CAMK2G: variants seen among roughly 807,000 people sequenced by gnomAD.
CAMK2G encodes calcium/calmodulin dependent protein kinase II gamma.
CAMK2G carries 23 observed loss-of-function variants against 88.7 expected under a neutral mutation model. That is an observed-to-expected ratio of 0.26 (90% confidence interval 0.19 to 0.37). CAMK2G has a LOEUF of 0.37. CAMK2G is among the 10% of genes least tolerant of loss of function. CAMK2G has a pLI of 1.00. For synonymous variants in CAMK2G, 263 were observed against 294.8 expected (o/e 0.89, Z 1.11); for missense variants, 476 against 780.8 (o/e 0.61, Z 4.65).
intron 13 of CAMK2G, among the ~76,000 whole-genome samples, chr10:73,838,799 C>T (rs1414368477): frequency 6.6e-6 from 1 of 152,178 alleles, no homozygotes; most frequent in African/African-American, 2.4e-5. Flanking sequence ...ACTAGGATCA[C>T]CTGGGAGCTT....
chr10:73,847,487 C>T, intron 9 of CAMK2G, 140 bp from the exon 10 acceptor site: 2 of 854,662 alleles, frequency 2.3e-6, no homozygotes, highest in South Asian at 3.5e-5. Context: ...TGGAGAAGCC[C>T]TGCGGCTATT....
chr10:73,863,506 C>T (rs1462437196), intron 2 of CAMK2G, among the ~76,000 whole-genome samples: 1 of 152,248 alleles, frequency 6.6e-6, no homozygotes, highest in Non-Finnish European at 1.5e-5. Flanking sequence ...CCCAAAGCTA[C>T]AGACCCACGG....
chr10:73,827,942 C>G, intron 15 of CAMK2G, 147 bp downstream of exon 15: 1 of 755,558 alleles, frequency 1.3e-6, no homozygotes, highest in Non-Finnish European at 2.4e-6. Flanking sequence ...TGGCCCCCGC[C>G]TGGCAGGACA....
Position 73,815,198 on chromosome 10 carries a change from G to A in CAMK2G, c.1584C>T (p.His528=), listed in dbSNP as rs55640406. The A allele has an allele frequency of 0.021, 34,326 of 1,614,082 alleles. 446 individuals are homozygous for A. The highest frequency in any genetic ancestry group is 0.026 in the Non-Finnish European group (31,084 of 1,179,864). The change falls in exon 22 of 23, where the codon CAC becomes CAT. Residue 528 remains histidine, a synonymous_variant. Coordinates refer to ENST00000423381, the MANE Select transcript of CAMK2G (RefSeq NM_001367534.1). ...CTGCGTCCTCCCCAATCACGTGGACGTGTGGGTTTAGGATGGTGGTATGGA... is the reference window on the plus strand; with the variant it reads ...CTGCGTCCTCCCCAATCACGTGGACATGTGGGTTTAGGATGGTGGTATGGA... The part of the protein sequence containing the change: ...KPIHTTILNP[H]VHVIGEDAAC...
intron 19 of CAMK2G, chr10:73,818,791 C>T (rs1172238842): frequency 4.4e-6 from 2 of 456,308 alleles, no homozygotes; most frequent in Non-Finnish European, 8.8e-6. Flanking sequence ...TCTGGATGAC[C>T]TGACTGGGGC....
chr10:73,820,490 A>T (rs200613045), intron 18 of CAMK2G, among the ~76,000 whole-genome samples: 5,726 of 52,822 alleles, frequency 0.11, 278 homozygotes, highest in Middle Eastern at 0.21. Context: ...ATATATATAT[A>T]TATTTTTTTT....
intron 12 of CAMK2G, among the ~76,000 whole-genome samples, chr10:73,840,377 A>C (rs571743318): frequency 6.4e-4 from 98 of 152,312 alleles, no homozygotes; most frequent in Admixed American, 4.9e-3. Context: ...CAACTCAAAA[A>C]ACAGCCCTAG....
At chr10:73,843,857 C>A (rs573812246) in intron 10 of CAMK2G, among the ~76,000 whole-genome samples, 2 of 152,276 alleles carry the variant, frequency 1.3e-5, no homozygotes, top group East Asian at 1.9e-4. Flanking sequence ...TCAGCAAGAA[C>A]CCCTTTCAGC....
intron 14 of CAMK2G, among the ~76,000 whole-genome samples, chr10:73,829,571 A>G (rs1206157656): frequency 6.6e-6 from 1 of 152,140 alleles, no homozygotes; most frequent in African/African-American, 2.4e-5. Flanking sequence ...AAGTGCTGGG[A>G]TTACAAGCGT....
Position 73,853,097 on chromosome 10 carries a change from C to G in CAMK2G, c.275+95G>C, listed in dbSNP as rs899951890. 3 of 1,154,268 alleles carry G rather than the reference C, an allele frequency of 2.6e-6. No homozygotes were observed. In the African/African-American group the frequency reaches 4.6e-5, roughly 18 times the overall value. The allele number at this position is 1,154,268 out of a possible 1,614,324, so 71.5% of individuals were successfully genotyped here. A position where few individuals can be genotyped will look rare whatever the true frequency, so the allele number is the denominator to read the frequency against. On this transcript the variant is annotated intron_variant, in intron 4 of 22. Transcript: ENST00000423381. ...CTCGGACAAAGGAGGGGGCCCTGGG[C>G]GGAGGCTGGAGAGCCTGTTTAGGCC...
At chr10:73,843,530 C>T (rs1421021835) in intron 10 of CAMK2G, among the ~76,000 whole-genome samples, 1 of 152,144 alleles carries the variant, frequency 6.6e-6, no homozygotes, top group Non-Finnish European at 1.5e-5. Context: ...GCTCGAGACA[C>T]ACGGGACTGC....
intron 22 of CAMK2G, chr10:73,814,755 C>T: frequency 2.0e-6 from 1 of 501,018 alleles, no homozygotes; most frequent in East Asian, 3.1e-5. Flanking sequence ...CTTTCTTTGA[C>T]AGCTAAGGAA....
chr10:73,837,186 G>A, intron 14 of CAMK2G: 1 of 429,136 alleles, frequency 2.3e-6, no homozygotes, highest in Non-Finnish European at 4.3e-6. Flanking sequence ...TGGAGATGAA[G>A]CATCCGTGTA....
chr10:73,853,175 C>T lies in CAMK2G; in HGVS notation c.275+17G>A, dbSNP rs1363609523. ...CTAGAGGGAAAGGCCCCCACACCCT[C>T]AGAAAGTGGCACTTACAGGTCAAAC... On this transcript the variant is annotated intron_variant, in intron 4 of 22. Coordinates refer to ENST00000423381, the MANE Select transcript of CAMK2G (RefSeq NM_001367534.1). 4 of 1,612,794 alleles carry T rather than the reference C, an allele frequency of 2.5e-6. No homozygotes were observed. Among genetic ancestry groups the T allele is most frequent in the Non-Finnish European group, 3.4e-6 (4 of 1,178,738 alleles).
intron 13 of CAMK2G, among the ~76,000 whole-genome samples, chr10:73,838,770 C>T (rs2093488990): frequency 6.6e-6 from 1 of 152,190 alleles, no homozygotes; most frequent in South Asian, 2.1e-4. Context: ...CACCAGCCAG[C>T]TCTCAACGCT....
Position 73,829,700 on chromosome 10 carries a change from GGTGT to G in CAMK2G, c.1054-1583_1054-1580del, listed in dbSNP as rs60725888. 7.6e-3 allele frequency among the ~76,000 whole-genome samples: 1,053 copies of G among 138,358 alleles called. 10 individuals carry two copies. Among genetic ancestry groups the G allele is most frequent in the African/African-American group, 0.02 (749 of 36,966 alleles). The allele number at this position is 138,358 out of a possible 152,430, so 90.8% of individuals were successfully genotyped here. A position where few individuals can be genotyped will look rare whatever the true frequency, so the allele number is the denominator to read the frequency against. The stretch of plus-strand genomic sequence containing the variant: ...TTATATTCATATATATAAGTAGTGG[GGTGT>G]GTGTGTGTGTGTGTGTGTGTGTGTG... On this transcript the variant is annotated intron_variant, in intron 14 of 22. Coordinates refer to ENST00000423381, the MANE Select transcript of CAMK2G (RefSeq NM_001367534.1).
chr10:73,844,380 C>T (rs949833412), intron 10 of CAMK2G, among the ~76,000 whole-genome samples: 1 of 149,402 alleles, frequency 6.7e-6, no homozygotes, highest in East Asian at 2.0e-4. Context: ...TGTGAGCCAC[C>T]GCTCCTGACC....
intron 15 of CAMK2G, 43 bp downstream of exon 15, chr10:73,828,046 C>A: frequency 8.9e-6 from 14 of 1,569,564 alleles, no homozygotes; most frequent in Non-Finnish European, 1.2e-5. Context: ...CAGGCGGGCA[C>A]AGGCAGCATG....
At chr10:73,845,495 T>C (rs2094164902) in intron 10 of CAMK2G, among the ~76,000 whole-genome samples, 1 of 148,920 alleles carries the variant, frequency 6.7e-6, no homozygotes, top group South Asian at 2.1e-4. Flanking sequence ...GGCAGGAGAA[T>C]GGCATGAACC....
Sources: allele counts gnomAD v4.1 joint callset (sites outside exome capture counted in the v4.1 genomes callset), GRCh38; gene constraint gnomAD v4.1.1; transcripts MANE v1.5; gene names NCBI Gene and HGNC (gene_info 2026-07-23, HGNC 2026-07-21).